The following RAPGEFL1 variants were observed in gnomAD, a reference collection of about 807,000 sequenced individuals.
RAPGEFL1 encodes Rap guanine nucleotide exchange factor like 1.
In RAPGEFL1, 31 loss-of-function variants were observed where a neutral mutation model predicts 64.4. The ratio of observed to expected loss-of-function variants is 0.48; its 90% CI spans 0.36 to 0.65. RAPGEFL1 has a LOEUF of 0.65. Among genes scored for constraint, RAPGEFL1 ranks in the 30% least tolerant of loss-of-function variants. RAPGEFL1 has a pLI of 0.00. For missense variants in RAPGEFL1, 682 were observed against 677.4 expected (o/e 1.01, Z -0.08); for synonymous variants, 331 against 274.1 (o/e 1.21, Z -2.05).
At chr17:40,186,815 A>C (rs984244581) in intron 4 of RAPGEFL1, among the ~76,000 whole-genome samples, 2 of 151,170 alleles carry the variant, frequency 1.3e-5, no homozygotes, top group Non-Finnish European at 2.9e-5. Flanking sequence ...AATTGCTTGA[A>C]TCCAGGAGGT....
chr17:40,184,591 T>A lies in RAPGEFL1; in HGVS notation c.746T>A (p.Leu249Gln), dbSNP rs754101543. 6.5e-7 allele frequency: 1 copy of A among 1,548,896 alleles called. No individual in the cohort carries two copies. The highest frequency in any genetic ancestry group is 8.9e-7 in the Non-Finnish European group (1 of 1,129,212). Residue 249 changes from leucine (L) to glutamine (Q), a missense_variant, in exon 4 of 15, where the codon CTG becomes CAG. This residue lies in a region of RAPGEFL1 where 271 missense variants were observed against 158.0 expected (regional missense o/e 1.72). Transcript: ENST00000620260. The part of the protein sequence containing the change: ...GAGHIIKDLY[L>Q]LIMKDESLYQ... Reference sequence around the variant, plus strand: ...TCCTCCTCTCTCCAGGATCTATACCTGCTAATTATGAAGGACGAGTCCCTT... The same window carrying A: ...TCCTCCTCTCTCCAGGATCTATACCAGCTAATTATGAAGGACGAGTCCCTT...
chr17:40,178,194 C>T lies in RAPGEFL1; in HGVS notation c.333C>T (p.Pro111=), dbSNP rs538614683. 8.1e-5 allele frequency: 44 copies of T among 542,984 alleles called. No homozygotes were observed. In the South Asian group the frequency reaches 8.9e-4, roughly 11 times the overall value. The allele number at this position is 542,984 out of a possible 1,614,324, so 33.6% of individuals were successfully genotyped here. A position where few individuals can be genotyped will look rare whatever the true frequency, so the allele number is the denominator to read the frequency against. ...CWLQLEEVPG[P]GPLGGGGPLR... The stretch of plus-strand genomic sequence containing the variant: ...TGCAGCTGGAGGAGGTGCCGGGGCC[C>T]GGGCCTCTCGGGGGAGGGGGGCCCC... The change falls in exon 1 of 15, where the codon CCC becomes CCT. Residue 111 remains proline (P), a synonymous_variant. Coordinates refer to ENST00000620260, the MANE Select transcript of RAPGEFL1 (RefSeq NM_016339.6).
At position 40,177,949 on chromosome 17, in the gene RAPGEFL1, A is replaced by G; in HGVS notation, c.88A>G (p.Ser30Gly). The part of the protein sequence containing the change: ...VAGGPGGGLG[S>G]CGGPGGGGGP... ...GGGAGGTCCCGGCGGGGGTCTGGGG[A>G]GCTGCGGTGGGCCTGGAGGGGGTGG... The change falls in exon 1 of 15, where the codon AGC becomes GGC. Residue 30 changes from serine to glycine, a missense_variant. Physicochemically the swap from Ser to Gly is moderately conservative, Grantham distance 56 (BLOSUM62 0). Transcript: ENST00000620260. 1 of 428,350 alleles carries G rather than the reference A, an allele frequency of 2.3e-6. No homozygotes were observed. The highest frequency in any genetic ancestry group is 4.3e-5 in the South Asian group (1 of 23,158). The allele number at this position is 428,350 out of a possible 1,614,324, so 26.5% of individuals were successfully genotyped here.
At position 40,192,239 on chromosome 17, in the gene RAPGEFL1, G is replaced by C. The variant is rs199963305; in HGVS notation, c.1632G>C (p.Leu544Phe). Residue 544 changes from leucine to phenylalanine, a missense_variant, in exon 11 of 15, where the codon TTG (leucine) becomes TTC (phenylalanine). Physicochemically the swap from Leu to Phe is conservative, Grantham distance 22. Coordinates refer to ENST00000620260, the MANE Select transcript of RAPGEFL1 (RefSeq NM_016339.6). Reference sequence around the variant, plus strand: ...AGCTGCCAGGGAAATTCAAGAACTTGTTTCGCAAATTTGAGAACCTGACGG... The same window carrying C: ...AGCTGCCAGGGAAATTCAAGAACTTCTTTCGCAAATTTGAGAACCTGACGG... ...WEKLPGKFKNLFRKFENLTDP... is the reference protein window; with the variant it reads ...WEKLPGKFKNFFRKFENLTDP... 1.2e-6 allele frequency: 2 copies of C among 1,614,066 alleles called. No individual in the cohort carries two copies. Among genetic ancestry groups the C allele is most frequent in the Admixed American group, 3.3e-5 (2 of 60,010 alleles).
Position 40,177,501 on chromosome 17 carries a change from C to CTCA in RAPGEFL1, c.-361_-360insTCA. 2.4e-6 allele frequency: 1 copy of CTCA among 423,042 alleles called. No individual in the cohort carries two copies. Among genetic ancestry groups the CTCA allele is most frequent in the South Asian group, 2.8e-5 (1 of 35,142 alleles). The allele number at this position is 423,042 out of a possible 1,614,324, so 26.2% of individuals were successfully genotyped here. On this transcript the variant is annotated 5_prime_UTR_variant, in exon 1 of 15. Coordinates refer to ENST00000620260, the MANE Select transcript of RAPGEFL1 (RefSeq NM_016339.6). ...CCCTCTTCACGGCCAGGAGCGCAGC[C>CTCA]GCCGCCGCCGCCGCCGCCGCGTCCT...
Position 40,191,178 on chromosome 17 carries a change from C to T in RAPGEFL1, c.1336-138C>T. On this transcript the variant is annotated intron_variant, in intron 8 of 14. Transcript: ENST00000620260. This position sits in a 1 kb window ranked among gnomAD's most constrained non-coding sequence, Gnocchi z 5.1. ...TTCCGCATCTTTGCCGCCTCCTGTC[C>T]TTTCTATTTTTCTATTTTCCACCCC... 2.6e-6 allele frequency: 2 copies of T among 765,608 alleles called. No individual in the cohort carries two copies. Among genetic ancestry groups the T allele is most frequent in the Non-Finnish European group, 4.0e-6 (2 of 496,960 alleles). 47.4% of individuals were successfully genotyped at this position (765,608 alleles called of 1,614,324 possible). A position where few individuals can be genotyped will look rare whatever the true frequency, so the allele number is the denominator to read the frequency against.
At position 40,177,858 on chromosome 17, in the gene RAPGEFL1, G is replaced by C. The variant is rs1989763137; in HGVS notation, c.-4G>C. 2.3e-6 allele frequency: 1 copy of C among 428,030 alleles called. No homozygotes were observed. The highest frequency in any genetic ancestry group is 4.1e-6 in the Non-Finnish European group (1 of 241,206). 26.5% of individuals were successfully genotyped at this position (428,030 alleles called of 1,614,324 possible). ...CGACCCCTAGGAGAGGGGCGGGGGGGGGCATGAAGCCGCTGGAGAAATTTC... is the reference window on the plus strand; with the variant it reads ...CGACCCCTAGGAGAGGGGCGGGGGGCGGCATGAAGCCGCTGGAGAAATTTC... On this transcript the variant is annotated 5_prime_UTR_variant, in exon 1 of 15. Transcript: ENST00000620260.
Position 40,192,258 on chromosome 17 carries a change from C to T in RAPGEFL1, c.1651C>T (p.Leu551=). Residue 551 remains leucine, a synonymous_variant, in exon 11 of 15, where the codon CTG becomes TTG. Coordinates refer to ENST00000620260, the MANE Select transcript of RAPGEFL1 (RefSeq NM_016339.6). Reference sequence around the variant, plus strand: ...GAACTTGTTTCGCAAATTTGAGAACCTGACGGTGAGTGGGTTTGGCTCTTT... The same window carrying T: ...GAACTTGTTTCGCAAATTTGAGAACTTGACGGTGAGTGGGTTTGGCTCTTT... ...FKNLFRKFEN[L]TDPCRNHKSY... 1 of 1,614,052 alleles carries T rather than the reference C, an allele frequency of 6.2e-7. No homozygotes were observed. The highest frequency in any genetic ancestry group is 8.5e-7 in the Non-Finnish European group (1 of 1,179,904).
At chr17:40,188,564 G>T in intron 4 of RAPGEFL1, 1 of 391,500 alleles carries the variant, frequency 2.6e-6, no homozygotes, top group South Asian at 2.3e-5. Flanking sequence ...TCATAGAAGA[G>T]ATAAGAGGTG....
chr17:40,189,695 C>T (rs1236936418), intron 6 of RAPGEFL1, among the ~76,000 whole-genome samples: 1 of 152,192 alleles, frequency 6.6e-6, no homozygotes, highest in African/African-American at 2.4e-5. Context: ...GACTCTGTCT[C>T]TAAAAGAGAT....
chr17:40,177,884 TGAA>T lies in RAPGEFL1; in HGVS notation c.28_30del (p.Lys10del). On this transcript the variant is annotated inframe_deletion, in exon 1 of 15. Coordinates refer to ENST00000620260, the MANE Select transcript of RAPGEFL1 (RefSeq NM_016339.6). The stretch of plus-strand genomic sequence containing the variant: ...GGCATGAAGCCGCTGGAGAAATTTC[TGAA>T]GAAGCAGACGTCGCAGCTGGCGGGC... 1 of 426,540 alleles carries T rather than the reference TGAA, an allele frequency of 2.3e-6. No homozygotes were observed. The highest frequency in any genetic ancestry group is 4.2e-6 in the Non-Finnish European group (1 of 240,438). The allele number at this position is 426,540 out of a possible 1,614,324, so 26.4% of individuals were successfully genotyped here.
chr17:40,181,404 T>G, intron 1 of RAPGEFL1: 11 of 578,994 alleles, frequency 1.9e-5, no homozygotes, highest in East Asian at 3.7e-5. Flanking sequence ...TTCAGCTGCC[T>G]TGGCAGCTGC....
intron 1 of RAPGEFL1, among the ~76,000 whole-genome samples, chr17:40,179,631 C>T (rs1030356151): frequency 4.6e-5 from 7 of 152,162 alleles, no homozygotes; most frequent in Non-Finnish European, 7.3e-5. Context: ...TTGAGGAAAC[C>T]AAGGCCCCAA....
In RAPGEFL1 at chr17:40,193,381, G is replaced by A; in HGVS notation, c.1828G>A (p.Val610Met). 1 of 1,614,216 alleles carries A rather than the reference G, an allele frequency of 6.2e-7. No homozygotes were observed. The highest frequency in any genetic ancestry group is 8.5e-7 in the Non-Finnish European group (1 of 1,180,050). The change falls in exon 14 of 15, where the codon GTG (valine) becomes ATG (methionine). Residue 610 changes from valine (V) to methionine (M), a missense_variant. Coordinates refer to ENST00000620260, the MANE Select transcript of RAPGEFL1 (RefSeq NM_016339.6). ...CTCCCAGCATTCAGTGGCCGAAAAA[G>A]TGAGGACAATCCGCAAATACCGGAG... is the stretch of plus-strand genomic sequence containing the variant. The part of the protein sequence containing the change: ...IEKLHSVAEK[V>M]RTIRKYRSRP...
At position 40,192,198 on chromosome 17, in the gene RAPGEFL1, C is replaced by T; in HGVS notation, c.1606-15C>T. ...TCCACTCTGATATCCCTTCTCCTTC[C>T]TTCAAACTCTGCAGAAGCTGCCAGG... On this transcript the variant is annotated splice_polypyrimidine_tract_variant and intron_variant, in intron 10 of 14. Coordinates refer to ENST00000620260, the MANE Select transcript of RAPGEFL1 (RefSeq NM_016339.6). 1 of 1,612,856 alleles carries T rather than the reference C, an allele frequency of 6.2e-7. No individual in the cohort carries two copies.
chr17:40,177,789 TCGC>T lies in RAPGEFL1; in HGVS notation c.-68_-66del, dbSNP rs1005096494. On this transcript the variant is annotated 5_prime_UTR_variant, in exon 1 of 15. Transcript: ENST00000620260. Reference sequence around the variant, plus strand: ...TCCTCCAGCTCTGAGCATCGTGTCTTCGCCGCCCCCCCCGCCCGCGCCTGGGAT... The same window carrying T: ...TCCTCCAGCTCTGAGCATCGTGTCTTCGCCCCCCCCGCCCGCGCCTGGGAT... 4.9e-6 allele frequency: 2 copies of T among 410,404 alleles called. No individual in the cohort carries two copies. Among genetic ancestry groups the T allele is most frequent in the African/African-American group, 2.1e-5 (1 of 48,372 alleles). The allele number at this position is 410,404 out of a possible 1,614,324, so 25.4% of individuals were successfully genotyped here. A position where few individuals can be genotyped will look rare whatever the true frequency, so the allele number is the denominator to read the frequency against.
rs1486048647 is a variant in RAPGEFL1, at chr17:40,191,339, C to T, written c.1359C>T (p.Phe453=). Residue 453 remains phenylalanine (F), a synonymous_variant, in exon 9 of 15, where the codon TTC becomes TTT. Coordinates refer to ENST00000620260, the MANE Select transcript of RAPGEFL1 (RefSeq NM_016339.6). This position sits in a 1 kb window ranked among gnomAD's most constrained non-coding sequence, Gnocchi z 5.1. The stretch of plus-strand genomic sequence containing the variant: ...AGCTGGAGTTCGTGGACTACGTGTT[C>T]CACGGGGAGCGCGGCCGCCGGGAGA... ...VHELEFVDYV[F]HGERGRRETA... 2.5e-6 allele frequency: 4 copies of T among 1,588,302 alleles called. No homozygotes were observed. The highest frequency in any genetic ancestry group is 3.4e-6 in the Non-Finnish European group (4 of 1,175,258).
In RAPGEFL1 at chr17:40,193,600, G is replaced by A. The variant is rs775608326; in HGVS notation, c.1865-64G>A. On this transcript the variant is annotated intron_variant, in intron 14 of 14. Transcript: ENST00000620260. ...CAGTCCACAGCCTGATCTTCTGCCCGGTGTGTGTGTAGAGGAAGAAGGGAA... is the reference window on the plus strand; with the variant it reads ...CAGTCCACAGCCTGATCTTCTGCCCAGTGTGTGTGTAGAGGAAGAAGGGAA... 1.8e-5 allele frequency: 29 copies of A among 1,610,104 alleles called. No homozygotes were observed. In the African/African-American group the frequency reaches 3.1e-4, roughly 17 times the overall value.
In RAPGEFL1 at chr17:40,184,294, T is replaced by G; in HGVS notation, c.680T>G (p.Leu227Trp). The G allele has an allele frequency of 6.2e-7, 1 of 1,613,836 alleles. No homozygotes were observed. The highest frequency in any genetic ancestry group is 8.5e-7 in the Non-Finnish European group (1 of 1,179,926). ...TGTCTAGCCATGCTTCTCCATTTCT[T>G]GGACACCTACCAGGGGCTGCTTCAA... ...QACLAMLLHFLDTYQGLLQEE... is the reference protein window; with the variant it reads ...QACLAMLLHFWDTYQGLLQEE... The change falls in exon 3 of 15, where the codon TTG (leucine) becomes TGG (tryptophan). Residue 227 changes from leucine to tryptophan, a missense_variant. Leu to Trp is a moderately conservative substitution (Grantham distance 61). This residue lies in a region of RAPGEFL1 where 271 missense variants were observed against 158.0 expected (regional missense o/e 1.72). Transcript: ENST00000620260.
Sources: gnomAD v4.1 joint callset for allele counts (sites outside exome capture counted in the v4.1 genomes callset) on GRCh38, gnomAD v4.1.1 for gene constraint, gnomAD v4.1.1 regional missense constraint, Gnocchi (gnomAD v3.1) non-coding constraint, MANE v1.5 for transcripts, NCBI Gene and HGNC (gene_info 2026-07-23, HGNC 2026-07-21) for gene names.